PLXNA4: variants seen among roughly 807,000 people sequenced by gnomAD.
PLXNA4 encodes plexin A4, also known as plexin-A4.
PLXNA4 carries 44 observed loss-of-function variants against 191.8 expected under a neutral mutation model. The ratio of observed to expected loss-of-function variants is 0.23; its 90% CI spans 0.18 to 0.29. The LOEUF is 0.29. Ranked by LOEUF, PLXNA4 falls within the 10% of genes least tolerant of loss-of-function variation. PLXNA4 has a pLI of 1.00. For missense variants in PLXNA4, 1,800 were observed against 2,488.8 expected (o/e 0.72, Z 5.89); for synonymous variants, 1,082 against 1,009.5 (o/e 1.07, Z -1.36).
intron 4 of PLXNA4, among the ~76,000 whole-genome samples, chr7:132,274,051 G>A (rs565114385): frequency 6.6e-6 from 1 of 152,084 alleles, no homozygotes; most frequent in South Asian, 2.1e-4. Context: ...AAAGCACCGT[G>A]TTGAGTGAAA....
At chr7:132,314,198 A>G (rs1801855646) in intron 3 of PLXNA4, among the ~76,000 whole-genome samples, 1 of 152,234 alleles carries the variant, frequency 6.6e-6, no homozygotes, top group Non-Finnish European at 1.5e-5. Context: ...GTTTCACAGA[A>G]CCAAACAAAA....
At chr7:132,614,768 G>A (rs1803118534) in intron 2 of PLXNA4, among the ~76,000 whole-genome samples, 1 of 152,240 alleles carries the variant, frequency 6.6e-6, no homozygotes, top group Non-Finnish European at 1.5e-5. Flanking sequence ...CTTGAATGGA[G>A]GAGATGTAAA....
At position 132,148,626 on chromosome 7, in the gene PLXNA4, C is replaced by T. The variant is rs1195206137; in HGVS notation, c.4681G>A (p.Ala1561Thr). Residue 1561 changes from alanine (A) to threonine (T), a missense_variant, in exon 26 of 32, where the codon GCA becomes ACA. Ala to Thr is a moderately conservative substitution (Grantham distance 58). Around this residue, in one of 6 missense-constraint regions of PLXNA4, gnomAD observed 214 missense variants for 298.2 expected, o/e 0.72. Coordinates refer to ENST00000321063, the MANE Select transcript of PLXNA4 (RefSeq NM_020911.2). Reference sequence around the variant, plus strand: ...TCTTCATCCTGCAAGATCATCCTTGCCCCACTTCCTTGTCGCCACTCTGCC... The same window carrying T: ...TCTTCATCCTGCAAGATCATCCTTGTCCCACTTCCTTGTCGCCACTCTGCC... The part of the protein sequence containing the change: ...MDLEWRQGSG[A>T]RMILQDEDIT... 2.5e-6 allele frequency: 4 copies of T among 1,614,050 alleles called. No homozygotes were observed. The highest frequency in any genetic ancestry group is 2.2e-5 in the South Asian group (2 of 91,078).
chr7:132,191,831 T>TACAC (rs200649890), intron 14 of PLXNA4, among the ~76,000 whole-genome samples: 8 of 141,638 alleles, frequency 5.6e-5, no homozygotes, highest in South Asian at 2.3e-4. Flanking sequence ...TATATATATA[T>TACAC]ATACACACAC....
intron 1 of PLXNA4, among the ~76,000 whole-genome samples, chr7:132,648,071 ACACAAACT>A (rs1253042944): frequency 6.6e-6 from 1 of 151,914 alleles, no homozygotes; most frequent in Non-Finnish European, 1.5e-5. Context: ...TCATGCACAC[ACACAAACT>A]CACAAACTCA....
At chr7:132,383,911 T>A (rs757550584) in intron 3 of PLXNA4, 1 of 985,360 alleles carries the variant, frequency 1.0e-6, no homozygotes, top group Admixed American at 6.1e-5. Context: ...CACATGGAAC[T>A]CCTGGGACGT....
intron 2 of PLXNA4, among the ~76,000 whole-genome samples, chr7:132,586,877 C>T (rs1330108739): frequency 1.3e-5 from 2 of 152,158 alleles, no homozygotes; most frequent in Non-Finnish European, 2.9e-5. Context: ...CTGCAGTGAG[C>T]CATGATTGCA....
chr7:132,571,463 C>T (rs779475247), intron 1 of PLXNA4, among the ~76,000 whole-genome samples: 1 of 152,140 alleles, frequency 6.6e-6, no homozygotes, highest in Non-Finnish European at 1.5e-5. Flanking sequence ...TCCCTAGGCA[C>T]TGATTTCTTC....
chr7:132,392,240 G>T (rs1793525833), intron 3 of PLXNA4, among the ~76,000 whole-genome samples: 1 of 152,134 alleles, frequency 6.6e-6, no homozygotes, highest in Non-Finnish European at 1.5e-5. Context: ...CAGCATCTAT[G>T]TGCCAAGGGC....
chr7:132,476,675 G>T (rs156919), intron 3 of PLXNA4, among the ~76,000 whole-genome samples: 151,340 of 152,314 alleles, frequency 0.99, 75,192 homozygotes, highest in Middle Eastern at 1. Context: ...GTTGGCAAGG[G>T]GGGTTCAGAG....
chr7:132,456,920 T>G (rs1442286888), intron 3 of PLXNA4, among the ~76,000 whole-genome samples: 9 of 152,000 alleles, frequency 5.9e-5, no homozygotes, highest in Admixed American at 5.3e-4. Context: ...GGTTCTGTAT[T>G]TTTTTTAACC....
chr7:132,467,843 C>T (rs1287124912), intron 3 of PLXNA4, among the ~76,000 whole-genome samples: 1 of 152,166 alleles, frequency 6.6e-6, no homozygotes, highest in African/African-American at 2.4e-5. Context: ...GCAGCACTAC[C>T]GAGGAACACA....
At chr7:132,641,988 A>G (rs1365370541) in intron 2 of PLXNA4, among the ~76,000 whole-genome samples, 3 of 152,198 alleles carry the variant, frequency 2.0e-5, no homozygotes, top group African/African-American at 7.2e-5. Context: ...TTTAGATGAA[A>G]TATGGTAAAA....
intron 1 of PLXNA4, among the ~76,000 whole-genome samples, chr7:132,550,977 C>A (rs747438708): frequency 6.6e-6 from 1 of 152,244 alleles, no homozygotes; most frequent in Admixed American, 6.5e-5. Context: ...AGAGCACAAG[C>A]ACCCACTCGG....
intron 4 of PLXNA4, among the ~76,000 whole-genome samples, chr7:132,258,280 G>A (rs1799502627): frequency 6.6e-6 from 1 of 152,242 alleles, no homozygotes; most frequent in African/African-American, 2.4e-5. Context: ...GCAAAGGGTG[G>A]CATTGGTGAC....
chr7:132,300,446 A>C (rs542205190), intron 3 of PLXNA4, among the ~76,000 whole-genome samples: 2 of 152,344 alleles, frequency 1.3e-5, no homozygotes, highest in Middle Eastern at 3.4e-3. Context: ...AAAATGAATA[A>C]ATTAATGAAT....
chr7:132,585,369 A>T (rs1802489432), intron 2 of PLXNA4, among the ~76,000 whole-genome samples: 1 of 152,234 alleles, frequency 6.6e-6, no homozygotes, highest in South Asian at 2.1e-4. Flanking sequence ...TAATGTTATC[A>T]GGAACTGTGT....
chr7:132,544,054 G>T (rs1800191955), intron 1 of PLXNA4, among the ~76,000 whole-genome samples: 1 of 152,200 alleles, frequency 6.6e-6, no homozygotes, highest in African/African-American at 2.4e-5. Flanking sequence ...AAAGTAAAAT[G>T]ATATGATTTG....
At chr7:132,322,434 C>A (rs774195142) in intron 3 of PLXNA4, among the ~76,000 whole-genome samples, 1 of 152,136 alleles carries the variant, frequency 6.6e-6, no homozygotes, top group Non-Finnish European at 1.5e-5. Flanking sequence ...CCACCCGCCT[C>A]GGCCTCCCAA....
Sources: gnomAD v4.1 joint callset for allele counts (sites outside exome capture counted in the v4.1 genomes callset) on GRCh38, gnomAD v4.1.1 for gene constraint, gnomAD v4.1.1 regional missense constraint, MANE v1.5 for transcripts, NCBI Gene and HGNC (gene_info 2026-07-23, HGNC 2026-07-21) for gene names.